The following CDHR4 variants were observed in gnomAD, a reference collection of about 807,000 sequenced individuals.
The protein encoded by CDHR4 is cadherin related family member 4.
In CDHR4, 89 loss-of-function variants were observed where a neutral mutation model predicts 88.4. The observed-to-expected ratio is 1.01, with a 90% CI of 0.85 to 1.20. The LOEUF (loss-of-function observed/expected upper bound fraction) is 1.20. Ranked by LOEUF, CDHR4 falls within the 50% of genes most tolerant of loss-of-function variation. CDHR4 has a pLI of 0.00. For missense variants in CDHR4, 914 were observed against 1,007.2 expected (o/e 0.91, Z 1.25); for synonymous variants, 368 against 399.2 (o/e 0.92, Z 0.93).
intron 10 of CDHR4, 56 bp from the exon 11 acceptor site, chr3:49,794,062 G>A: frequency 6.6e-7 from 1 of 1,516,280 alleles, no homozygotes; most frequent in Non-Finnish European, 8.9e-7. Context: ...CCTGAACTGG[G>A]GGTCTGAGGA....
At position 49,795,337 on chromosome 3, in the gene CDHR4, C is replaced by T. The variant is rs919002391; in HGVS notation, c.890G>A (p.Arg297His). The stretch of plus-strand genomic sequence containing the variant: ...CCTGGAGACCGCGGTGCCTGAGGTG[C>T]GAGCTAACTCTAGGGGCGTGGTGGT... Reference protein sequence around the residue: ...VRTTTPLELARTSGTAVSRLQ... With the variant: ...VRTTTPLELAHTSGTAVSRLQ... Residue 297 changes from arginine (R) to histidine (H), a missense_variant, in exon 8 of 19, where the codon CGC becomes CAC. Transcript: ENST00000412678. The surrounding 1 kb of genome is among the most constrained non-coding windows in gnomAD (Gnocchi z 5.4). 2.6e-5 allele frequency: 40 copies of T among 1,551,262 alleles called. No homozygotes were observed. The highest frequency in any genetic ancestry group is 1.7e-4 in the Middle Eastern group (1 of 6,000).
chr3:49,793,133 A>G (rs1188067667), intron 13 of CDHR4, 28 bp downstream of exon 13: 3 of 1,550,758 alleles, frequency 1.9e-6, no homozygotes, highest in Non-Finnish European at 2.6e-6. Flanking sequence ...CCCCTCACTC[A>G]CAACCTGGTG....
At chr3:49,801,999 AC>A (rs1308160739), upstream of CDHR4, among the ~76,000 whole-genome samples, 1 of 152,008 alleles carries the variant, frequency 6.6e-6, no homozygotes, top group African/African-American at 2.4e-5. Context: ...GGTTTTGCTG[AC>A]CTTTTCCCTC....
At chr3:49,794,911 A>C in intron 9 of CDHR4, 36 bp downstream of exon 9, 1 of 1,550,014 alleles carries the variant, frequency 6.5e-7, no homozygotes, top group Non-Finnish European at 8.7e-7. Flanking sequence ...CACTGCAAGC[A>C]CCCTGCAAGT....
At chr3:49,794,078 A>T in intron 10 of CDHR4, 72 bp from the exon 11 acceptor site, 1 of 1,444,820 alleles carries the variant, frequency 6.9e-7, no homozygotes, top group African/African-American at 1.4e-5. Flanking sequence ...GAGGAGGGAG[A>T]CAGGGCCCTG....
At chr3:49,793,396 C>T (rs2081213726) in intron 12 of CDHR4, 85 bp from the exon 13 acceptor site, 30 of 1,491,118 alleles carry the variant, frequency 2.0e-5, no homozygotes, top group Non-Finnish European at 2.6e-5. Flanking sequence ...TCACCACAGC[C>T]GTAGCCTAGG....
At position 49,791,479 on chromosome 3, in the gene CDHR4, A is replaced by C; in HGVS notation, c.2284-11T>G. ...TCTGCCATCAAAATGCTGCTGAGGG[A>C]AAAAAAAAAAAGATGCAATGAATTG... On this transcript the variant is annotated splice_polypyrimidine_tract_variant and intron_variant, in intron 17 of 18. Coordinates refer to ENST00000412678, the MANE Select transcript of CDHR4 (RefSeq NM_001007540.4). 1 of 304,930 alleles carries C rather than the reference A, an allele frequency of 3.3e-6. No homozygotes were observed. The highest frequency in any genetic ancestry group is 5.1e-6 in the Non-Finnish European group (1 of 196,104). 18.9% of individuals were successfully genotyped at this position (304,930 alleles called of 1,614,324 possible).
At chr3:49,794,496 A>T (rs2081236725) in intron 10 of CDHR4, 112 bp downstream of exon 10, 3 of 834,208 alleles carry the variant, frequency 3.6e-6, no homozygotes, top group African/African-American at 3.5e-5. Context: ...AAATGGTGAC[A>T]ACCCTGCCCT....
Position 49,791,871 on chromosome 3 carries a change from C to A in CDHR4, c.2195+32G>T, listed in dbSNP as rs778747873. ...CTAACCTGAGTTTAAGAGATGGGATCCCAGGCATAGAAGTATGCAAAGGAG... is the reference window on the plus strand; with the variant it reads ...CTAACCTGAGTTTAAGAGATGGGATACCAGGCATAGAAGTATGCAAAGGAG... On this transcript the variant is annotated intron_variant, in intron 16 of 18. Transcript: ENST00000412678. The A allele has an allele frequency of 2.6e-6, 4 of 1,551,626 alleles. No homozygotes were observed. In the Admixed American group the frequency reaches 7.8e-5, roughly 30 times the overall value.
At chr3:49,799,929 C>T, upstream of CDHR4, 1 of 968,618 alleles carries the variant, frequency 1.0e-6, no homozygotes, top group Non-Finnish European at 1.6e-6. Context: ...ACTCCTGGGC[C>T]TCCCAGATTC....
Position 49,794,986 on chromosome 3 carries a change from G to C in CDHR4, c.1146C>G (p.Ser382=), listed in dbSNP as rs2108281767. The C allele has an allele frequency of 6.4e-7, 1 of 1,551,644 alleles. No homozygotes were observed. Among genetic ancestry groups the C allele is most frequent in the East Asian group, 2.4e-5 (1 of 40,906 alleles). The part of the protein sequence containing the change: ...LDYKLWFRSS[S]NPASLCLYDR... ...CATAAAGGCAGAGGCTGGCAGGGTT[G>C]GAAGAGCTGCGGAACCACAGCTTGT... is the stretch of plus-strand genomic sequence containing the variant. Residue 382 remains serine (S), a synonymous_variant, in exon 9 of 19, where the codon TCC becomes TCG. Transcript: ENST00000412678.
chr3:49,792,882 G>A lies in CDHR4; in HGVS notation c.1967C>T (p.Thr656Ile). ...GGTTCTGTGGGTGCTGGTGGCCACT[G>A]TGCTGGCCCTCCGGGGAACTAGATG... ...IVHLVPRRAS[T>I]VATSTHRTTV... Residue 656 changes from threonine to isoleucine, a missense_variant, in exon 14 of 19, where the codon ACA becomes ATA. Transcript: ENST00000412678. 1.9e-6 allele frequency: 3 copies of A among 1,547,674 alleles called. No homozygotes were observed. The highest frequency in any genetic ancestry group is 2.0e-5 in the Admixed American group (1 of 50,900).
At position 49,799,051 on chromosome 3, in the gene CDHR4, C is replaced by A; in HGVS notation, c.346G>T (p.Val116Leu). The A allele has an allele frequency of 6.3e-7, 1 of 1,595,330 alleles. No individual in the cohort carries two copies. The highest frequency in any genetic ancestry group is 1.3e-5 in the African/African-American group (1 of 74,708). ...TGGCTAAGGTCCCGCTGCACATCCACAGAGAGTGAGCCCTCCATCACATGG... is the reference window on the plus strand; with the variant it reads ...TGGCTAAGGTCCCGCTGCACATCCAAAGAGAGTGAGCCCTCCATCACATGG... ...GNHVMEGSLSVDVQRDLSHIQ... is the reference protein window; with the variant it reads ...GNHVMEGSLSLDVQRDLSHIQ... The change falls in exon 3 of 19, where the codon GTG (valine) becomes TTG (leucine). Residue 116 changes from valine (V) to leucine (L), a missense_variant. Physicochemically the swap from Val to Leu is conservative, Grantham distance 32 (BLOSUM62 1). Transcript: ENST00000412678.
In CDHR4 at chr3:49,792,997, C is replaced by A. The variant is rs530718899; in HGVS notation, c.1852G>T (p.Glu618Ter). 6.4e-7 allele frequency: 1 copy of A among 1,551,684 alleles called. No homozygotes were observed. The highest frequency in any genetic ancestry group is 1.2e-5 in the South Asian group (1 of 84,056). Residue 618 changes from glutamate (E) to a stop codon, truncating the protein, a stop_gained, in exon 14 of 19, where the codon GAG becomes TAG. Transcript: ENST00000412678. LOFTEE classifies it high-confidence loss of function. Reference sequence around the variant, plus strand: ...AGTAGCTCATAGGTACGGGGCTGCTCTGGCCAGAACGGCCCCAACACAAGG... The same window carrying A: ...AGTAGCTCATAGGTACGGGGCTGCTATGGCCAGAACGGCCCCAACACAAGG... ...SDLVLGPFWPEQPRTYELLIC... is the reference protein window; with the variant it reads ...SDLVLGPFWP
Position 49,791,733 on chromosome 3 carries a change from G to A in CDHR4, c.2264C>T (p.Pro755Leu). 6.4e-7 allele frequency: 1 copy of A among 1,551,632 alleles called. No homozygotes were observed. The highest frequency in any genetic ancestry group is 8.7e-7 in the Non-Finnish European group (1 of 1,146,946). ...EAPKMEMSQA[P>L]SSVMSLHFDG... is the part of the protein sequence containing the mutation. ...ACATACCAGACTCATGACACTGCTG[G>A]GTGCCTGGGACATCTCCATCTTCGG... The change falls in exon 17 of 19, where the codon CCC becomes CTC. Residue 755 changes from proline to leucine, a missense_variant. Physicochemically the swap from Pro to Leu is moderately conservative, Grantham distance 98. Coordinates refer to ENST00000412678, the MANE Select transcript of CDHR4 (RefSeq NM_001007540.4).
Position 49,799,366 on chromosome 3 carries a change from A to T in CDHR4, c.121T>A (p.Ser41Thr). The T allele has an allele frequency of 6.2e-7, 1 of 1,612,694 alleles. No individual in the cohort carries two copies. The highest frequency in any genetic ancestry group is 8.5e-7 in the Non-Finnish European group (1 of 1,179,372). ...QGPGTVLQFL[S>T]FNCSSYTPTP... is the part of the protein sequence containing the mutation. ...GGCGTGTAGGAGGAGCAGTTGAAGGATAAAAACTGAAGGACTGTGCCAGGG... is the reference window on the plus strand; with the variant it reads ...GGCGTGTAGGAGGAGCAGTTGAAGGTTAAAAACTGAAGGACTGTGCCAGGG... The change falls in exon 2 of 19, where the codon TCC becomes ACC. Residue 41 changes from serine (S) to threonine (T), a missense_variant. Physicochemically the swap from Ser to Thr is moderately conservative, Grantham distance 58. Coordinates refer to ENST00000412678, the MANE Select transcript of CDHR4 (RefSeq NM_001007540.4).
At chr3:49,793,380 T>A in intron 12 of CDHR4, 69 bp from the exon 13 acceptor site, 6 of 1,514,806 alleles carry the variant, frequency 4.0e-6, no homozygotes, top group Middle Eastern at 3.6e-4. Context: ...GCCCCTCAAC[T>A]TCTTCTCACC....
At chr3:49,797,821 C>A (rs2081293891) in intron 4 of CDHR4, among the ~76,000 whole-genome samples, 1 of 151,886 alleles carries the variant, frequency 6.6e-6, no homozygotes, top group Non-Finnish European at 1.5e-5. Flanking sequence ...GACCCTTATC[C>A]CAGCCTGGGC....
At position 49,792,913 on chromosome 3, in the gene CDHR4, T is replaced by C; in HGVS notation, c.1936A>G (p.Ile646Val). 6.4e-7 allele frequency: 1 copy of C among 1,551,392 alleles called. No homozygotes were observed. The highest frequency in any genetic ancestry group is 1.2e-5 in the South Asian group (1 of 84,028). ...GCCCTCCGGGGAACTAGATGCACAA[T>C]AATGGTGGCTGTGGTGCTGAGGTGG... is the stretch of plus-strand genomic sequence containing the variant. ...TPHLSTTATI[I>V]VHLVPRRAST... Residue 646 changes from isoleucine to valine, a missense_variant, in exon 14 of 19, where the codon ATT (isoleucine) becomes GTT (valine). By Grantham distance (29) the Ile-to-Val change is conservative. Coordinates refer to ENST00000412678, the MANE Select transcript of CDHR4 (RefSeq NM_001007540.4).
Sources: allele counts gnomAD v4.1 joint callset (sites outside exome capture counted in the v4.1 genomes callset), GRCh38; gene constraint gnomAD v4.1.1; non-coding constraint Gnocchi (gnomAD v3.1); transcripts MANE v1.5; gene names NCBI Gene and HGNC (gene_info 2026-07-23, HGNC 2026-07-21).